The following ZNF536 variants were observed in gnomAD, a reference collection of about 807,000 sequenced individuals.
ZNF536 encodes zinc finger protein 536.
A neutral mutation model predicts 84.5 loss-of-function variants in ZNF536; 13 were observed. The observed-to-expected ratio is 0.15, with a 90% confidence interval of 0.10 to 0.24. ZNF536 has a LOEUF of 0.24. Among genes scored for constraint, ZNF536 ranks in the 10% least tolerant of loss-of-function variants. The probability of loss-of-function intolerance (pLI) is 1.00; values close to 1 mark genes in which losing one functional copy is unlikely to be tolerated. For synonymous variants in ZNF536, 811 were observed against 742.5 expected, an observed-to-expected ratio of 1.09 and a Z score of -1.50; for missense variants, 1,536 against 1,747.5, an observed-to-expected ratio of 0.88 and a Z score of 2.16.
At chr19:30,487,497 T>TAGAACTGA (rs894828588) in intron 2 of ZNF536, among the ~76,000 whole-genome samples, 11 of 152,170 alleles carry the variant, frequency 7.2e-5, no homozygotes, top group Non-Finnish European at 1.6e-4. Context: ...CTTTAAGGCA[T>TAGAACTGA]AGAACTGATG....
At chr19:30,377,581 A>G (rs979060782) in intron 1 of ZNF536, among the ~76,000 whole-genome samples, 14 of 152,188 alleles carry the variant, frequency 9.2e-5, no homozygotes, top group African/African-American at 3.4e-4. Context: ...CCCTAGGTCC[A>G]ATGCTCGTAT....
chr19:30,464,124 G>A (rs191724235), intron 2 of ZNF536, among the ~76,000 whole-genome samples: 21 of 152,276 alleles, frequency 1.4e-4, no homozygotes, highest in East Asian at 7.7e-4. Context: ...TTAGGTCTGC[G>A]GAGTGTTTAA....
intron 2 of ZNF536, among the ~76,000 whole-genome samples, chr19:30,514,207 A>G (rs1353209922): frequency 1.3e-5 from 2 of 152,194 alleles, no homozygotes; most frequent in Non-Finnish European, 2.9e-5. Context: ...ACTAGCCTCC[A>G]TAGATTATTC....
intron 1 of ZNF536, among the ~76,000 whole-genome samples, chr19:30,392,364 GA>G (rs1306119071): frequency 2.6e-5 from 4 of 152,156 alleles, no homozygotes; most frequent in Admixed American, 6.5e-5. Context: ...TTCCATTAAG[GA>G]GACCACAGAA....
intron 1 of ZNF536, among the ~76,000 whole-genome samples, chr19:30,706,456 C>A (rs954126383): frequency 6.7e-6 from 1 of 149,324 alleles, no homozygotes; most frequent in Non-Finnish European, 1.5e-5. Flanking sequence ...CACTGCACTG[C>A]AGCCTGTGCA....
chr19:30,609,185 C>G (rs2048003201), intron 1 of ZNF536, among the ~76,000 whole-genome samples: 1 of 152,128 alleles, frequency 6.6e-6, no homozygotes, highest in South Asian at 2.1e-4. Context: ...ATTAAGAATG[C>G]TCACAAATAT....
chr19:30,444,393 CT>C lies in ZNF536; in HGVS notation c.833del (p.Phe278SerfsTer115). The C allele has an allele frequency of 6.2e-7, 1 of 1,606,866 alleles. No individual in the cohort carries two copies. ...VAPAAGFRCTFCKGKFKKREE... is the reference protein window; with the variant it reads ...VAPAAGFRCTXCKGKFKKREE... ...CCCCGGCGGCGGGCTTCCGCTGTAC[CT>C]TCTGCAAGGGCAAGTTCAAGAAGCG... On this transcript the variant is annotated frameshift_variant, in exon 2 of 5. Transcript: ENST00000355537. LOFTEE classifies it high-confidence loss of function.
intron 1 of ZNF536, among the ~76,000 whole-genome samples, chr19:30,691,337 T>C (rs567894748): frequency 2.4e-4 from 37 of 151,764 alleles, no homozygotes; most frequent in Admixed American, 2.4e-3. Flanking sequence ...GACAAGCCCG[T>C]CCCCGCTCGG....
intron 2 of ZNF536, among the ~76,000 whole-genome samples, chr19:30,293,522 C>T (rs977890284): frequency 2.0e-5 from 3 of 152,112 alleles, no homozygotes; most frequent in Admixed American, 6.5e-5. Context: ...ACATTCCCCC[C>T]GCCTGCCAGC....
At chr19:30,364,574 C>A (rs773414884) in intron 3 of ZNF536, among the ~76,000 whole-genome samples, 12 of 152,108 alleles carry the variant, frequency 7.9e-5, no homozygotes, top group Admixed American at 3.3e-4. Context: ...CTTGCTGTTG[C>A]CTTTCTCTCG....
intron 3 of ZNF536, among the ~76,000 whole-genome samples, chr19:30,357,853 C>T (rs2048149038): frequency 6.6e-6 from 1 of 152,144 alleles, no homozygotes; most frequent in Non-Finnish European, 1.5e-5. Flanking sequence ...CCACAGAGTC[C>T]AGCTGTGCTG....
intron 1 of ZNF536, among the ~76,000 whole-genome samples, chr19:30,625,194 C>T (rs1336102037): frequency 7.2e-5 from 11 of 152,200 alleles, no homozygotes; most frequent in African/African-American, 2.2e-4. Context: ...TAACCAAGCA[C>T]AGCTGAGCTC....
chr19:30,328,478 G>T lies in ZNF536; in HGVS notation c.-119-23890G>T, dbSNP rs185536726. Among the ~76,000 whole-genome samples, 29 of 152,284 alleles carry T rather than the reference G, an allele frequency of 1.9e-4. No homozygotes were observed. The East Asian group carries it at 5.2e-3, about 27-fold the overall frequency. ...CCTTGATCTTCACTCAGAACTCCAT[G>T]GTTCTCCATCATGGCCAGAGGGGAA... On this transcript the variant is annotated intron_variant, in intron 2 of 5. Coordinates refer to the ZNF536 transcript ENST00000585628.
At chr19:30,317,873 T>C (rs1425457680) in intron 2 of ZNF536, among the ~76,000 whole-genome samples, 1 of 152,260 alleles carries the variant, frequency 6.6e-6, no homozygotes, top group African/African-American at 2.4e-5. Flanking sequence ...AACAGCTACC[T>C]ATAGAAAACA....
chr19:30,618,192 A>G (rs2048368215), intron 1 of ZNF536, among the ~76,000 whole-genome samples: 1 of 152,178 alleles, frequency 6.6e-6, no homozygotes, highest in African/African-American at 2.4e-5. Flanking sequence ...TTTAGTGTAT[A>G]ATGCCCCACT....
In ZNF536 at chr19:30,384,797, T is replaced by A. The variant is rs182302287; in HGVS notation, c.-3+12241T>A. ...ATCTCAGTGCTTTGGGAGGCCAAGG[T>A]GGGAGGATTGCTTAAGGCCAGGAGT... On this transcript the variant is annotated intron_variant, in intron 1 of 4. Coordinates refer to ENST00000355537, the MANE Select transcript of ZNF536 (RefSeq NM_014717.3). Among the ~76,000 whole-genome samples, 7 of 151,978 alleles carry A rather than the reference T, an allele frequency of 4.6e-5. No homozygotes were observed. In the East Asian group the frequency reaches 1.4e-3, roughly 30 times the overall value.
intron 1 of ZNF536, among the ~76,000 whole-genome samples, chr19:30,589,972 T>C (rs1049152257): frequency 2.6e-5 from 4 of 152,166 alleles, no homozygotes; most frequent in African/African-American, 9.7e-5. Flanking sequence ...CCCCAGAGGA[T>C]CATCTTTAAA....
intron 1 of ZNF536, among the ~76,000 whole-genome samples, chr19:30,259,881 A>G (rs1219946704): frequency 1.3e-5 from 2 of 148,164 alleles, no homozygotes; most frequent in Admixed American, 6.7e-5. Context: ...GCTCCTCTAT[A>G]TCTGGGATTA....
At chr19:30,316,039 A>C (rs1450618252) in intron 2 of ZNF536, among the ~76,000 whole-genome samples, 1 of 152,158 alleles carries the variant, frequency 6.6e-6, no homozygotes, top group Non-Finnish European at 1.5e-5. Flanking sequence ...GATATGAGGG[A>C]GGTTTCCATT....
Sources: allele counts gnomAD v4.1 joint callset (sites outside exome capture counted in the v4.1 genomes callset), GRCh38; gene constraint gnomAD v4.1.1; transcripts MANE v1.5; gene names NCBI Gene and HGNC (gene_info 2026-07-23, HGNC 2026-07-21).